EZH2: variants seen among roughly 807,000 people sequenced by gnomAD.
EZH2 encodes the protein histone-lysine N-methyltransferase EZH2.
A neutral mutation model predicts 98.4 loss-of-function variants in EZH2; 18 were observed. The observed-to-expected ratio is 0.18, with a 90% confidence interval of 0.13 to 0.27. EZH2 has a LOEUF of 0.27. Among genes scored for constraint, EZH2 ranks in the 10% least tolerant of loss-of-function variants. EZH2 has a pLI of 1.00. For synonymous variants in EZH2, 338 were observed against 312.3 expected (o/e 1.08, Z -0.87); for missense variants, 470 against 935.1 (o/e 0.50, Z 6.49).
chr7:148,867,171 A>G (rs1818673060), intron 1 of EZH2, among the ~76,000 whole-genome samples: 1 of 151,884 alleles, frequency 6.6e-6, no homozygotes, highest in Non-Finnish European at 1.5e-5. Flanking sequence ...TACTAAAAAT[A>G]CAAAATTAGC....
At chr7:148,828,124 G>C (rs1405051508) in intron 6 of EZH2, among the ~76,000 whole-genome samples, 2 of 152,142 alleles carry the variant, frequency 1.3e-5, no homozygotes, top group Non-Finnish European at 2.9e-5. Context: ...TCTCGAAAAA[G>C]AAAATGGATC....
At chr7:148,871,501 G>T (rs933582988) in intron 1 of EZH2, among the ~76,000 whole-genome samples, 1 of 148,044 alleles carries the variant, frequency 6.8e-6, no homozygotes, top group African/African-American at 2.5e-5. Context: ...CCCCAAATCT[G>T]ACCTATGGAA....
chr7:148,844,071 T>C (rs1024288960), intron 3 of EZH2, among the ~76,000 whole-genome samples: 11 of 152,188 alleles, frequency 7.2e-5, no homozygotes, highest in African/African-American at 2.7e-4. Context: ...CTATAGACTT[T>C]ACGTGTTTGA....
At chr7:148,848,165 T>C (rs1814678164) in intron 1 of EZH2, among the ~76,000 whole-genome samples, 1 of 152,224 alleles carries the variant, frequency 6.6e-6, no homozygotes, top group Non-Finnish European at 1.5e-5. Context: ...TGCAAAGCTT[T>C]ACAGGCCACA....
rs147158945 is a variant in EZH2, at chr7:148,826,865, C to G, written c.729-233G>C. On this transcript the variant is annotated intron_variant, in intron 7 of 19. Coordinates refer to ENST00000320356, the MANE Select transcript of EZH2 (RefSeq NM_004456.5). ...GAAAAGGATATTATATTAGTTTTAA[C>G]TAAACATCAAATTTCTACCAGTATC... Among the ~76,000 whole-genome samples the G allele has an allele frequency of 3.2e-4, 48 of 152,196 alleles. No homozygotes were observed. The East Asian group carries it at 8.7e-3, about 28-fold the overall frequency.
intron 4 of EZH2, 78 bp downstream of exon 4, chr7:148,832,556 T>G (rs556648631): frequency 2.5e-6 from 2 of 798,668 alleles, no homozygotes; most frequent in African/African-American, 3.4e-5. Context: ...TTGATTCACC[T>G]TGACAATAAA....
intron 1 of EZH2, among the ~76,000 whole-genome samples, chr7:148,849,310 A>C (rs1372411312): frequency 6.6e-6 from 1 of 152,238 alleles, no homozygotes; most frequent in Non-Finnish European, 1.5e-5. Flanking sequence ...TTCAAAAGGC[A>C]AAGAAAGAAC....
At chr7:148,872,574 T>C (rs1220716113) in intron 1 of EZH2, among the ~76,000 whole-genome samples, 1 of 152,234 alleles carries the variant, frequency 6.6e-6, no homozygotes, top group Non-Finnish European at 1.5e-5. Flanking sequence ...CAAATAGTAA[T>C]TAGTTCTATT....
chr7:148,831,242 AAGG>A (rs1200856840), intron 4 of EZH2, among the ~76,000 whole-genome samples: 2 of 152,232 alleles, frequency 1.3e-5, no homozygotes, highest in Non-Finnish European at 2.9e-5. Context: ...AGTGGGATAA[AAGG>A]AGCATATAAT....
chr7:148,824,210 G>A (rs918955704), intron 8 of EZH2, among the ~76,000 whole-genome samples: 2 of 151,916 alleles, frequency 1.3e-5, no homozygotes, highest in Non-Finnish European at 1.5e-5. Context: ...AGCTACTCAG[G>A]AGGCTGAGAC....
intron 3 of EZH2, among the ~76,000 whole-genome samples, chr7:148,843,620 G>A (rs1167021414): frequency 2.2e-5 from 2 of 90,710 alleles, no homozygotes; most frequent in Non-Finnish European, 3.8e-5. Context: ...TTTTGAGACA[G>A]CGTCTCGCTC....
intron 1 of EZH2, among the ~76,000 whole-genome samples, chr7:148,867,904 A>G (rs1327661566): frequency 6.6e-6 from 1 of 152,218 alleles, no homozygotes; most frequent in African/African-American, 2.4e-5. Context: ...AGATCCCTAG[A>G]GCAGGAGCAC....
intron 1 of EZH2, among the ~76,000 whole-genome samples, chr7:148,880,592 T>C (rs541827960): frequency 6.6e-6 from 1 of 152,348 alleles, no homozygotes; most frequent in East Asian, 1.9e-4. Context: ...CTACAGATTA[T>C]AACTAGGAAA....
intron 4 of EZH2, among the ~76,000 whole-genome samples, chr7:148,831,666 A>C (rs1809431946): frequency 6.6e-6 from 1 of 152,200 alleles, no homozygotes; most frequent in African/African-American, 2.4e-5. Context: ...ACTACACTCA[A>C]ATTTATACAA....
In EZH2 at chr7:148,818,160, C is replaced by G. The variant is rs1163349735; in HGVS notation, c.1000-43G>C. 2.0e-6 allele frequency: 3 copies of G among 1,508,788 alleles called. No homozygotes were observed. In the East Asian group the frequency reaches 6.8e-5, roughly 34 times the overall value. The allele number at this position is 1,508,788 out of a possible 1,614,324, so 93.5% of individuals were successfully genotyped here. A position where few individuals can be genotyped will look rare whatever the true frequency, so the allele number is the denominator to read the frequency against. The stretch of plus-strand genomic sequence containing the variant: ...TCAACATCAGGGCAAAGTTCTAAAA[C>G]TCATTTTGATGGAAGAGAAAAAAAA... On this transcript the variant is annotated intron_variant, in intron 9 of 19. Transcript: ENST00000320356.
chr7:148,822,047 T>C (rs1338638028), intron 8 of EZH2, among the ~76,000 whole-genome samples: 1 of 152,192 alleles, frequency 6.6e-6, no homozygotes, highest in Non-Finnish European at 1.5e-5. Flanking sequence ...TAGGCAACTT[T>C]GGAAGTGAGG....
intron 4 of EZH2, 97 bp from the exon 5 acceptor site, chr7:148,829,945 AC>A: frequency 1.2e-6 from 1 of 850,264 alleles, no homozygotes; most frequent in Non-Finnish European, 1.7e-6. Context: ...ACATGTCTTT[AC>A]CCAGTTCTCC....
chr7:148,819,127 T>A, intron 9 of EZH2: 1 of 454,632 alleles, frequency 2.2e-6, no homozygotes, highest in South Asian at 1.6e-5. Context: ...CTACCTCATA[T>A]TTTCCTAACC....
rs1276025093 is a variant in EZH2, at chr7:148,813,983, G to A, written c.1827C>T (p.Cys609=). Residue 609 remains cysteine, a synonymous_variant, in exon 15 of 20, where the codon TGC becomes TGT. Transcript: ENST00000320356. ...CCTTTTTGGAGCCCCGCTGAATACT[G>A]CAGTTCTTGCAGGACACATTTTTAC... is the stretch of plus-strand genomic sequence containing the variant. ...WDSKNVSCKN[C]SIQRGSKKHL... is the part of the protein sequence containing the mutation. 1 of 1,614,038 alleles carries A rather than the reference G, an allele frequency of 6.2e-7. No individual in the cohort carries two copies.
Sources: allele counts gnomAD v4.1 joint callset (sites outside exome capture counted in the v4.1 genomes callset), GRCh38; gene constraint gnomAD v4.1.1; transcripts MANE v1.5; gene names NCBI Gene and HGNC (gene_info 2026-07-23, HGNC 2026-07-21).